SEMA5A: variants seen among roughly 807,000 people sequenced by gnomAD.
SEMA5A encodes the protein semaphorin-5A.
Under a neutral mutation model 135.5 loss-of-function variants are expected in SEMA5A, and 55 were observed. The ratio of observed to expected loss-of-function variants is 0.41; its 90% CI spans 0.33 to 0.51. SEMA5A has a LOEUF of 0.51. Among genes scored for constraint, SEMA5A ranks in the 20% least tolerant of loss-of-function variants. The pLI, the probability that SEMA5A is intolerant of heterozygous loss-of-function variation, is 0.37. For synonymous variants in SEMA5A, 580 were observed against 546.5 expected, an observed-to-expected ratio of 1.06 and a Z score of -0.85; for missense variants, 1,290 against 1,419.9, an observed-to-expected ratio of 0.91 and a Z score of 1.47.
Position 9,042,908 on chromosome 5 carries a change from C to T in SEMA5A, c.3214G>A (p.Asp1072Asn). 6.2e-7 allele frequency: 1 copy of T among 1,613,898 alleles called. No homozygotes were observed. The highest frequency in any genetic ancestry group is 1.1e-5 in the South Asian group (1 of 91,052). Residue 1072 changes from aspartate (D) to asparagine (N), a missense_variant, in exon 23 of 23, where the codon GAT becomes AAT. Asp to Asn is a conservative substitution (Grantham distance 23). This residue lies in a region of SEMA5A where 1,029 missense variants were observed against 1,086.6 expected (regional missense o/e 0.95). Transcript: ENST00000382496. The part of the protein sequence containing the change: ...NAYFTDLNNY[D>N]EY ...AAACATGAAAGCTGTTAGTACTCAT[C>T]ATAATTATTGAGATCTGTAAAGTAG...
intron 5 of SEMA5A, among the ~76,000 whole-genome samples, chr5:9,308,956 G>A (rs1009880691): frequency 6.6e-6 from 1 of 152,042 alleles, no homozygotes; most frequent in Admixed American, 6.6e-5. Context: ...TGACAAATTA[G>A]GTCATTAAAG....
chr5:9,409,251 A>G (rs1481702394), intron 2 of SEMA5A, among the ~76,000 whole-genome samples: 3 of 152,232 alleles, frequency 2.0e-5, no homozygotes, highest in African/African-American at 7.2e-5. Flanking sequence ...ACTAGAAAAG[A>G]CAAAAGATAA....
At chr5:9,164,589 G>A (rs1743503243) in intron 11 of SEMA5A, among the ~76,000 whole-genome samples, 1 of 151,972 alleles carries the variant, frequency 6.6e-6, no homozygotes, top group African/African-American at 2.4e-5. Flanking sequence ...ATCTAGAAAA[G>A]TCGCAGGGAA....
At chr5:9,403,419 T>C (rs74973870) in intron 2 of SEMA5A, among the ~76,000 whole-genome samples, 37,463 of 152,048 alleles carry the variant, frequency 0.25, 5,452 homozygotes, top group South Asian at 0.38. Context: ...GCTCCTCCAC[T>C]AGGCACCCGA....
intron 1 of SEMA5A, chr5:9,498,390 A>T (rs1199120302): frequency 6.6e-6 from 1 of 152,258 alleles, no homozygotes; most frequent in Non-Finnish European, 1.5e-5. Context: ...AATTCTTTGG[A>T]GATAATTACA....
At chr5:9,486,279 G>A (rs150417534) in intron 1 of SEMA5A, among the ~76,000 whole-genome samples, 28 of 152,220 alleles carry the variant, frequency 1.8e-4, no homozygotes, top group African/African-American at 6.7e-4. Context: ...TGAGTGGGGT[G>A]GATTGTGAGG....
At chr5:9,139,566 C>T (rs2150226804) in intron 12 of SEMA5A, among the ~76,000 whole-genome samples, 1 of 152,340 alleles carries the variant, frequency 6.6e-6, no homozygotes, top group Non-Finnish European at 1.5e-5. Context: ...CATGTGTAAA[C>T]TTCCTATCCA....
chr5:9,193,767 G>A (rs1374492555), intron 10 of SEMA5A, among the ~76,000 whole-genome samples: 1 of 152,116 alleles, frequency 6.6e-6, no homozygotes, highest in African/African-American at 2.4e-5. Context: ...GCGTGGTGGT[G>A]GGCACCTGTA....
At chr5:9,118,025 A>G (rs1740613386) in intron 15 of SEMA5A, among the ~76,000 whole-genome samples, 1 of 152,272 alleles carries the variant, frequency 6.6e-6, no homozygotes, top group South Asian at 2.1e-4. Flanking sequence ...TTTAGGTTGT[A>G]GTAAATACCT....
At position 9,148,123 on chromosome 5, in the gene SEMA5A, T is replaced by C. The variant is rs1316328732; in HGVS notation, c.1481+6365A>G. Among the ~76,000 whole-genome samples, 5 of 152,212 alleles carry C rather than the reference T, an allele frequency of 3.3e-5. No individual in the cohort carries two copies. In the East Asian group the frequency reaches 9.6e-4, roughly 29 times the overall value. On this transcript the variant is annotated intron_variant, in intron 12 of 22. Coordinates refer to ENST00000382496, the MANE Select transcript of SEMA5A (RefSeq NM_003966.3). ...TGAATGTTAAATAAAAAATTAAGAT[T>C]GTATGAGTAAGTATCCAAAGGGTAG...
chr5:9,287,389 A>G (rs1258001371), intron 5 of SEMA5A, among the ~76,000 whole-genome samples: 2 of 152,206 alleles, frequency 1.3e-5, no homozygotes, highest in African/African-American at 2.4e-5. Flanking sequence ...CCTTTCATAT[A>G]TACATAATTC....
intron 11 of SEMA5A, among the ~76,000 whole-genome samples, chr5:9,157,871 G>A (rs867472792): frequency 2.0e-5 from 3 of 152,336 alleles, no homozygotes; most frequent in Non-Finnish European, 4.4e-5. Flanking sequence ...TTTGACATAG[G>A]AGGACAATAG....
intron 5 of SEMA5A, among the ~76,000 whole-genome samples, chr5:9,253,412 G>A (rs1198604104): frequency 6.6e-6 from 1 of 151,968 alleles, no homozygotes; most frequent in Non-Finnish European, 1.5e-5. Context: ...TGAAAATCAA[G>A]CCACATACAC....
chr5:9,528,360 T>C (rs1737253219), intron 1 of SEMA5A, among the ~76,000 whole-genome samples: 1 of 152,228 alleles, frequency 6.6e-6, no homozygotes. Context: ...TTTATTTTTC[T>C]GGGTTCCTAT....
chr5:9,524,902 A>T (rs1329529714), intron 1 of SEMA5A, among the ~76,000 whole-genome samples: 1 of 152,168 alleles, frequency 6.6e-6, no homozygotes, highest in African/African-American at 2.4e-5. Flanking sequence ...GAATGCCCAA[A>T]ATTTGACACT....
At chr5:9,348,899 C>A (rs1432724345) in intron 3 of SEMA5A, among the ~76,000 whole-genome samples, 1 of 152,184 alleles carries the variant, frequency 6.6e-6, no homozygotes, top group Non-Finnish European at 1.5e-5. Context: ...CAGAATAGTT[C>A]TGCTACATAT....
chr5:9,084,641 G>T (rs879370502), intron 16 of SEMA5A, among the ~76,000 whole-genome samples: 9 of 152,176 alleles, frequency 5.9e-5, no homozygotes, highest in African/African-American at 2.2e-4. Context: ...ACGTGGAATT[G>T]TAAGTCCAAT....
intron 1 of SEMA5A, among the ~76,000 whole-genome samples, chr5:9,446,306 A>C (rs1445399695): frequency 6.6e-6 from 1 of 152,162 alleles, no homozygotes; most frequent in East Asian, 1.9e-4. Context: ...GCAAAGAGGC[A>C]TGGGGCTGAG....
chr5:9,514,220 C>G (rs868594354), intron 1 of SEMA5A, among the ~76,000 whole-genome samples: 1 of 152,148 alleles, frequency 6.6e-6, no homozygotes, highest in Admixed American at 6.5e-5. Flanking sequence ...TCCTCTGCTC[C>G]CTCTTATAAG....
Sources: gnomAD v4.1 joint callset for allele counts (sites outside exome capture counted in the v4.1 genomes callset) on GRCh38, gnomAD v4.1.1 for gene constraint, gnomAD v4.1.1 regional missense constraint, MANE v1.5 for transcripts, NCBI Gene and HGNC (gene_info 2026-07-23, HGNC 2026-07-21) for gene names.